Variants in CEMIP observed in about 807,000 individuals in gnomAD.
CEMIP encodes the protein cell migration inducing hyaluronidase 1, also known as cell migration-inducing and hyaluronan-binding protein.
Under a neutral mutation model 156.9 loss-of-function variants are expected in CEMIP, and 105 were observed. The ratio of observed to expected loss-of-function variants is 0.67; its 90% confidence interval spans 0.57 to 0.79. The LOEUF (loss-of-function observed/expected upper bound fraction) is 0.79, where lower values mean the gene tolerates loss of function less well. CEMIP is among the 30% of genes least tolerant of loss of function. The pLI, the probability that CEMIP is intolerant of heterozygous loss-of-function variation, is 0.00. For synonymous variants in CEMIP, 676 were observed against 668.4 expected (o/e 1.01, Z -0.17); for missense variants, 1,457 against 1,769.4 (o/e 0.82, Z 3.17).
Position 80,901,051 on chromosome 15 carries a change from A to G in CEMIP, c.1411+4991A>G, listed in dbSNP as rs1596173575. The G allele has an allele frequency of 1.1e-5, 5 of 445,856 alleles. 1 individual carries two copies. Among genetic ancestry groups the G allele is most frequent in the South Asian group, 8.0e-5 (5 of 62,534 alleles). 27.6% of individuals were successfully genotyped at this position (445,856 alleles called of 1,614,324 possible). A position where few individuals can be genotyped will look rare whatever the true frequency, so the allele number is the denominator to read the frequency against. ...ATTTCAAAATTTTGTCAACCACAGT[A>G]TGATTACCAACACCTCACAGTGTGG... On this transcript the variant is annotated intron_variant, in intron 12 of 29. Transcript: ENST00000394685.
rs564481447 is a variant in CEMIP at position 80,924,344 on chromosome 15, G to C, written c.2203-277G>C. Among the ~76,000 whole-genome samples, 12 of 152,316 alleles carry C rather than the reference G, an allele frequency of 7.9e-5. No homozygotes were observed. In the East Asian group the frequency reaches 2.3e-3, roughly 29 times the overall value. On this transcript the variant is annotated intron_variant, in intron 17 of 29. Coordinates refer to ENST00000394685, the MANE Select transcript of CEMIP (RefSeq NM_001293298.2). ...CAGTGTGGGTCTGCACATGGACTTTGCTATGTGGCCTTGGACAACATACAT... is the reference window on the plus strand; with the variant it reads ...CAGTGTGGGTCTGCACATGGACTTTCCTATGTGGCCTTGGACAACATACAT...
chr15:80,889,649 T>G, intron 10 of CEMIP, 57 bp downstream of exon 10: 2 of 1,601,782 alleles, frequency 1.2e-6, no homozygotes, highest in Non-Finnish European at 1.7e-6. Context: ...AAGAAGACTC[T>G]ATAGATCACA....
At chr15:80,901,913 C>G (rs1284695368) in intron 12 of CEMIP, among the ~76,000 whole-genome samples, 1 of 152,146 alleles carries the variant, frequency 6.6e-6, no homozygotes, top group Non-Finnish European at 1.5e-5. Context: ...TCAGTGAAGG[C>G]CCTTGTTCCC....
chr15:80,891,504 A>G (rs894782630), intron 10 of CEMIP, among the ~76,000 whole-genome samples: 1 of 152,228 alleles, frequency 6.6e-6, no homozygotes, highest in African/African-American at 2.4e-5. Flanking sequence ...CAAGTTCTCC[A>G]TTATTTGAGG....
Position 80,936,820 on chromosome 15 carries a change from C to A in CEMIP, c.3156C>A (p.Gly1052=). 6.2e-7 allele frequency: 1 copy of A among 1,614,128 alleles called. No homozygotes were observed. Among genetic ancestry groups the A allele is most frequent in the Non-Finnish European group, 8.5e-7 (1 of 1,180,048 alleles). ...QYQPVVTLQK[G]YTIHWDQTAP... ...AACCGGTTGTCACCCTGCAGAAGGG[C>A]TACACCATCCACTGGGACCAGACGG... Residue 1052 remains glycine (G), a synonymous_variant, in exon 24 of 30, where the codon GGC becomes GGA. Transcript: ENST00000394685.
rs144229359 is a variant in CEMIP, at chr15:80,895,851, T to C, written c.1220-18T>C. 2.3e-4 allele frequency: 376 copies of C among 1,613,916 alleles called. No homozygotes were observed. In the African/African-American group the frequency reaches 4.4e-3, roughly 19 times the overall value. ...GAGCAAAGGGCTCTATCTCAGTCTT[T>C]CCTGTTTTGGGTTACAGTGAGGCCC... On this transcript the variant is annotated intron_variant, in intron 11 of 29. Transcript: ENST00000394685.
intron 1 of CEMIP, among the ~76,000 whole-genome samples, chr15:80,811,921 T>C (rs1011016801): frequency 1.3e-5 from 2 of 152,214 alleles, no homozygotes; most frequent in Non-Finnish European, 1.5e-5. Flanking sequence ...TGACAGTTGC[T>C]TTGAGTGCCA....
rs573099860 is a variant in CEMIP, at chr15:80,904,799, T to A, written c.1412-1864T>A. Among the ~76,000 whole-genome samples, 66 of 152,318 alleles carry A rather than the reference T, an allele frequency of 4.3e-4. 1 individual carries two copies. The Middle Eastern group carries it at 0.024, about 55-fold the overall frequency. ...ACACCTTGATTTATCCCCGTTAGAT[T>A]CATTTCATACTTGTGACTCCCAAGG... On this transcript the variant is annotated intron_variant, in intron 12 of 29. Transcript: ENST00000394685.
Position 80,895,926 on chromosome 15 carries a change from T to C in CEMIP, c.1277T>C (p.Leu426Ser). The C allele has an allele frequency of 1.9e-6, 3 of 1,614,146 alleles. No homozygotes were observed. The highest frequency in any genetic ancestry group is 2.5e-6 in the Non-Finnish European group (3 of 1,180,030). The change falls in exon 12 of 30, where the codon TTG becomes TCG. Residue 426 changes from leucine (L) to serine (S), a missense_variant. By Grantham distance (145) the Leu-to-Ser change is moderately radical. Transcript: ENST00000394685. ...DTNVNSTILNLEDNVQSWKPG... is the reference protein window; with the variant it reads ...DTNVNSTILNSEDNVQSWKPG... ...AATGTGAACAGCACCATTCTGAACTTGGAGGATAATGTACAGTCATGGAAA... is the reference window on the plus strand; with the variant it reads ...AATGTGAACAGCACCATTCTGAACTCGGAGGATAATGTACAGTCATGGAAA...
intron 1 of CEMIP, among the ~76,000 whole-genome samples, chr15:80,809,320 A>G (rs903787125): frequency 6.6e-6 from 1 of 152,250 alleles, no homozygotes; most frequent in Non-Finnish European, 1.5e-5. Flanking sequence ...ATACGTAGCT[A>G]TTTAAAATCT....
intron 12 of CEMIP, among the ~76,000 whole-genome samples, chr15:80,900,589 T>TGG (rs1899448421): frequency 3.1e-5 from 2 of 65,044 alleles, no homozygotes; most frequent in Non-Finnish European, 7.0e-5. Context: ...GGTAGGGGTG[T>TGG]GTGTGTGTGT....
intron 8 of CEMIP, 94 bp from the exon 9 acceptor site, chr15:80,888,607 C>T: frequency 1.1e-6 from 1 of 908,756 alleles, no homozygotes. Context: ...TGAGTCAATG[C>T]CCATGTGCGT....
intron 6 of CEMIP, among the ~76,000 whole-genome samples, chr15:80,881,374 G>C (rs1898653080): frequency 6.6e-6 from 1 of 152,180 alleles, no homozygotes; most frequent in Admixed American, 6.5e-5. Context: ...TGTGATAATT[G>C]GTAGTAAGGG....
At chr15:80,837,791 C>T (rs545803802) in intron 1 of CEMIP, among the ~76,000 whole-genome samples, 51 of 152,340 alleles carry the variant, frequency 3.3e-4, no homozygotes, top group African/African-American at 1.2e-3. Context: ...AAAGTTGCCC[C>T]GCTGAGCTCA....
chr15:80,937,808 G>A lies in CEMIP; in HGVS notation c.3236G>A (p.Arg1079Gln), dbSNP rs761161256. The change falls in exon 25 of 30, where the codon CGA becomes CAA. Residue 1079 changes from arginine (R) to glutamine (Q), a missense_variant. Arg to Gln is a conservative substitution (Grantham distance 43). Around this residue, in one of 5 missense-constraint regions of CEMIP, gnomAD observed 798 missense variants for 980.1 expected, o/e 0.81. Coordinates refer to ENST00000394685, the MANE Select transcript of CEMIP (RefSeq NM_001293298.2). ...TCCAATCCTAGGGGCGACTGGATCC[G>A]AGTGGGGCTCTGCTACCCGCGAGGC... ...LINFNKGDWI[R>Q]VGLCYPRGTT... 10 of 1,614,230 alleles carry A rather than the reference G, an allele frequency of 6.2e-6. No individual in the cohort carries two copies. Among genetic ancestry groups the A allele is most frequent in the Admixed American group, 1.7e-5 (1 of 60,034 alleles).
At chr15:80,793,219 C>A (rs1031517894) in intron 1 of CEMIP, among the ~76,000 whole-genome samples, 4 of 152,138 alleles carry the variant, frequency 2.6e-5, no homozygotes, top group Non-Finnish European at 5.9e-5. Flanking sequence ...GGCTGTGTAA[C>A]CTGTCCAATT....
At chr15:80,897,407 TG>T in intron 12 of CEMIP, 1 of 452,964 alleles carries the variant, frequency 2.2e-6, no homozygotes, top group South Asian at 1.6e-5. Context: ...TTAACACTCA[TG>T]GGGGAGGCGG....
At position 80,892,130 on chromosome 15, in the gene CEMIP, G is replaced by C. The variant is rs183796784; in HGVS notation, c.1086+2538G>C. Among the ~76,000 whole-genome samples the C allele has an allele frequency of 8.5e-5, 13 of 152,058 alleles. No individual in the cohort carries two copies. In the East Asian group the frequency reaches 2.5e-3, roughly 30 times the overall value. ...TGAGCTTTTACGTGCTCCTCTTCCT[G>C]CTTGTGCCTGCCCCCAGTGCCCAAC... On this transcript the variant is annotated intron_variant, in intron 10 of 29. Coordinates refer to ENST00000394685, the MANE Select transcript of CEMIP (RefSeq NM_001293298.2).
intron 1 of CEMIP, among the ~76,000 whole-genome samples, chr15:80,836,025 A>T (rs1308204828): frequency 6.9e-5 from 1 of 14,418 alleles, no homozygotes; most frequent in Non-Finnish European, 2.9e-4. Context: ...TTTGCTCATA[A>T]AAAAAAAGTG....
Sources: gnomAD v4.1 joint callset for allele counts (sites outside exome capture counted in the v4.1 genomes callset) on GRCh38, gnomAD v4.1.1 for gene constraint, gnomAD v4.1.1 regional missense constraint, MANE v1.5 for transcripts, NCBI Gene and HGNC (gene_info 2026-07-23, HGNC 2026-07-21) for gene names.